The following HDLBP variants were observed in gnomAD, a reference collection of about 807,000 sequenced individuals.
HDLBP encodes the protein vigilin.
HDLBP carries 30 observed loss-of-function variants against 137.3 expected under a neutral mutation model. The observed-to-expected ratio is 0.22, with a 90% confidence interval of 0.16 to 0.30. The LOEUF (loss-of-function observed/expected upper bound fraction) is 0.30, where lower values mean the gene tolerates loss of function less well. Ranked by LOEUF, HDLBP falls within the 10% of genes least tolerant of loss-of-function variation. The probability of loss-of-function intolerance (pLI) is 1.00; values close to 1 mark genes in which losing one functional copy is unlikely to be tolerated. For synonymous variants in HDLBP, 606 were observed against 596.0 expected, an observed-to-expected ratio of 1.02 and a Z score of -0.24; for missense variants, 1,119 against 1,667.3, an observed-to-expected ratio of 0.67 and a Z score of 5.73.
intron 14 of HDLBP, 73 bp downstream of exon 14, chr2:241,247,930 G>A (rs1242360636): frequency 9.6e-7 from 1 of 1,041,302 alleles, no homozygotes; most frequent in Non-Finnish European, 1.5e-6. Flanking sequence ...GTGGGGGTCA[G>A]GACTTCTGAC....
In HDLBP at chr2:241,264,718, A is replaced by C. The variant is rs1015710976; in HGVS notation, c.77-113T>G. 26 of 1,023,174 alleles carry C rather than the reference A, an allele frequency of 2.5e-5. No homozygotes were observed. The Admixed American group carries it at 4.3e-4, about 17-fold the overall frequency. 63.4% of individuals were successfully genotyped at this position (1,023,174 alleles called of 1,614,324 possible). A position where few individuals can be genotyped will look rare whatever the true frequency, so the allele number is the denominator to read the frequency against. On this transcript the variant is annotated intron_variant, in intron 3 of 27. Coordinates refer to ENST00000310931, the MANE Select transcript of HDLBP (RefSeq NM_005336.6). The stretch of plus-strand genomic sequence containing the variant: ...ACAAACAAGAACCATCAAATGCTCC[A>C]AGGACAACTCCCCCCACCCCTCTCT...
chr2:241,236,945 C>T (rs1324823470), intron 20 of HDLBP, among the ~76,000 whole-genome samples, 176 bp from the exon 21 acceptor site: 1 of 149,158 alleles, frequency 6.7e-6, no homozygotes, highest in Non-Finnish European at 1.5e-5. Flanking sequence ...TAGGACGTCC[C>T]CACAGCAGCC....
At position 241,240,194 on chromosome 2, in the gene HDLBP, C is replaced by T; in HGVS notation, c.2170-72G>A. The T allele has an allele frequency of 6.9e-7, 1 of 1,456,198 alleles. No individual in the cohort carries two copies. The highest frequency in any genetic ancestry group is 2.3e-5 in the East Asian group (1 of 44,072). The allele number at this position is 1,456,198 out of a possible 1,614,324, so 90.2% of individuals were successfully genotyped here. The stretch of plus-strand genomic sequence containing the variant: ...ACCACAGTGAGGAAGACAAGAGGGT[C>T]TGTAGGACAGCAAGCTCGGGCTCCC... On this transcript the variant is annotated intron_variant, in intron 17 of 27. Coordinates refer to ENST00000310931, the MANE Select transcript of HDLBP (RefSeq NM_005336.6). This position sits in a 1 kb window ranked among gnomAD's most constrained non-coding sequence, Gnocchi z 5.5.
rs2149530053 is a variant in HDLBP, at chr2:241,264,525, A to C, written c.157T>G (p.Cys53Gly). The C allele has an allele frequency of 6.2e-7, 1 of 1,613,852 alleles. No homozygotes were observed. The highest frequency in any genetic ancestry group is 8.5e-7 in the Non-Finnish European group (1 of 1,179,874). The stretch of plus-strand genomic sequence containing the variant: ...GCGGGTTCCTGGGCACTTTCCAGGC[A>C]AGCAGCTTTCTCAGGAAGTGGAGGG... The part of the protein sequence containing the change: ...AFPPLPEKAA[C>G]LESAQEPAGA... The change falls in exon 4 of 28, where the codon TGC (cysteine) becomes GGC (glycine). Residue 53 changes from cysteine to glycine, a missense_variant. Coordinates refer to ENST00000310931, the MANE Select transcript of HDLBP (RefSeq NM_005336.6).
intron 1 of HDLBP, among the ~76,000 whole-genome samples, chr2:241,306,889 TAAA>T (rs759322405): frequency 1.5e-5 from 1 of 68,876 alleles, no homozygotes; most frequent in Non-Finnish European, 3.2e-5. Context: ...CTCAATAAAT[TAAA>T]AAAAAAAAAA....
At chr2:241,249,321 G>T (rs767770469) in intron 12 of HDLBP, 2 of 470,956 alleles carry the variant, frequency 4.2e-6, no homozygotes, top group African/African-American at 4.0e-5. Context: ...ATACTTAAAG[G>T]CACCCAGAGA....
chr2:241,234,408 G>GT (rs2070154142), intron 23 of HDLBP, among the ~76,000 whole-genome samples: 2 of 152,226 alleles, frequency 1.3e-5, no homozygotes, highest in Admixed American at 1.3e-4. Flanking sequence ...AAGGCTACAG[G>GT]TATGACCTGG....
chr2:241,279,893 G>A, intron 1 of HDLBP: 1 of 984,452 alleles, frequency 1.0e-6, no homozygotes, highest in South Asian at 4.7e-5. Context: ...TGGATAAACA[G>A]AGGTATACAA....
At chr2:241,247,267 G>C in intron 14 of HDLBP, 125 bp from the exon 15 acceptor site, 1 of 674,140 alleles carries the variant, frequency 1.5e-6, no homozygotes, top group Admixed American at 2.4e-5. Context: ...AACCTTCAGA[G>C]GTTTGTCATG....
At chr2:241,274,883 G>A (rs536554970) in intron 1 of HDLBP, among the ~76,000 whole-genome samples, 40 of 152,236 alleles carry the variant, frequency 2.6e-4, no homozygotes, top group African/African-American at 8.9e-4. Flanking sequence ...TCAAAGGGAC[G>A]GGGGAGAAGT....
chr2:241,294,973 G>A (rs911126044), intron 1 of HDLBP, among the ~76,000 whole-genome samples: 2 of 151,998 alleles, frequency 1.3e-5, no homozygotes, highest in East Asian at 3.9e-4. Context: ...ATGGTGGTGG[G>A]TGCCTGTGAT....
chr2:241,260,331 T>C (rs1023820438), intron 5 of HDLBP, among the ~76,000 whole-genome samples: 4 of 152,088 alleles, frequency 2.6e-5, no homozygotes, highest in South Asian at 2.1e-4. Flanking sequence ...TAATAGGTCA[T>C]GACAGAAAGC....
intron 24 of HDLBP, among the ~76,000 whole-genome samples, chr2:241,232,610 T>C (rs1428795147): frequency 6.6e-6 from 1 of 152,074 alleles, no homozygotes; most frequent in South Asian, 2.1e-4. Context: ...TTATATAGAA[T>C]AGTAGAGGGA....
Position 241,272,613 on chromosome 2 carries a change from C to CTGGG in HDLBP, c.-102-4076_-102-4073dup. 1.0e-6 allele frequency: 1 copy of CTGGG among 982,014 alleles called. No homozygotes were observed. Among genetic ancestry groups the CTGGG allele is most frequent in the Non-Finnish European group, 1.2e-6 (1 of 827,902 alleles). The allele number at this position is 982,014 out of a possible 1,614,324, so 60.8% of individuals were successfully genotyped here. On this transcript the variant is annotated intron_variant, in intron 1 of 27. Transcript: ENST00000310931. The surrounding 1 kb of genome is among the most constrained non-coding windows in gnomAD (Gnocchi z 5.6). ...GACACCCGCGGGCGGGGGCCGCAGC[C>CTGGG]TGGGGCCCGGGTGGGGGCCGCGGCA... is the stretch of plus-strand genomic sequence containing the variant.
At chr2:241,287,338 T>C (rs1395339453) in intron 1 of HDLBP, among the ~76,000 whole-genome samples, 1 of 151,866 alleles carries the variant, frequency 6.6e-6, no homozygotes, top group Non-Finnish European at 1.5e-5. Flanking sequence ...CTCAAACTTC[T>C]GACACCGTGA....
chr2:241,275,228 G>A (rs73116320), intron 1 of HDLBP, among the ~76,000 whole-genome samples: 4,696 of 152,030 alleles, frequency 0.031, 175 homozygotes, highest in African/African-American at 0.085. Flanking sequence ...GGCTAAAAAG[G>A]ATACCCACAG....
In HDLBP at chr2:241,233,366, A is replaced by C. The variant is rs1429083807; in HGVS notation, c.3288+454T>G. ...GGGGGTGGCACTGCAATTTGGAGGAAGTAACAACAAGAGTTTACTAAGGAC... is the reference window on the plus strand; with the variant it reads ...GGGGGTGGCACTGCAATTTGGAGGACGTAACAACAAGAGTTTACTAAGGAC... On this transcript the variant is annotated intron_variant, in intron 24 of 27. Coordinates refer to ENST00000310931, the MANE Select transcript of HDLBP (RefSeq NM_005336.6). This position sits in a 1 kb window ranked among gnomAD's most constrained non-coding sequence, Gnocchi z 4.3. Among the ~76,000 whole-genome samples the C allele has an allele frequency of 6.6e-6, 1 of 152,158 alleles. No individual in the cohort carries two copies. Among genetic ancestry groups the C allele is most frequent in the Non-Finnish European group, 1.5e-5 (1 of 68,018 alleles).
At chr2:241,285,283 G>T (rs981470454) in intron 1 of HDLBP, among the ~76,000 whole-genome samples, 3 of 152,200 alleles carry the variant, frequency 2.0e-5, no homozygotes, top group African/African-American at 7.2e-5. Flanking sequence ...TGCTTTATTG[G>T]GATGTCAGGC....
intron 1 of HDLBP, among the ~76,000 whole-genome samples, chr2:241,309,033 C>T (rs1406356841): frequency 6.6e-6 from 1 of 152,154 alleles, no homozygotes; most frequent in Non-Finnish European, 1.5e-5. Flanking sequence ...TGCTTTTCAC[C>T]TCCTGTCCAT....
Sources: gnomAD v4.1 joint callset for allele counts (sites outside exome capture counted in the v4.1 genomes callset) on GRCh38, gnomAD v4.1.1 for gene constraint, Gnocchi (gnomAD v3.1) non-coding constraint, MANE v1.5 for transcripts, NCBI Gene and HGNC (gene_info 2026-07-23, HGNC 2026-07-21) for gene names.